The following CTNNA2 variants were observed in gnomAD, a reference collection of about 807,000 sequenced individuals.
The protein encoded by CTNNA2 is catenin alpha 2.
CTNNA2 carries 42 observed loss-of-function variants against 101.0 expected under a neutral mutation model. The ratio of observed to expected loss-of-function variants is 0.42; its 90% CI spans 0.32 to 0.54. The LOEUF (loss-of-function observed/expected upper bound fraction) is 0.54. CTNNA2 is among the 20% of genes least tolerant of loss of function. The pLI is 0.14. For synonymous variants in CTNNA2, 450 were observed against 456.4 expected, an observed-to-expected ratio of 0.99 and a Z score of 0.18; for missense variants, 871 against 1,223.1, an observed-to-expected ratio of 0.71 and a Z score of 4.29.
chr2:80,113,413 T>G (rs1415023971), intron 7 of CTNNA2, among the ~76,000 whole-genome samples: 1 of 152,232 alleles, frequency 6.6e-6, no homozygotes, highest in Admixed American at 6.5e-5. Flanking sequence ...GGTGTGCATA[T>G]GGATTTGAAT....
chr2:79,676,026 G>T (rs543210708), intron 2 of CTNNA2, among the ~76,000 whole-genome samples: 1 of 152,192 alleles, frequency 6.6e-6, no homozygotes, highest in South Asian at 2.1e-4. Flanking sequence ...CGTAGGTGAG[G>T]GCATCCTGAG....
chr2:79,301,193 C>G (rs1676099530), intron 2 of CTNNA2, among the ~76,000 whole-genome samples: 1 of 152,200 alleles, frequency 6.6e-6, no homozygotes, highest in African/African-American at 2.4e-5. Flanking sequence ...CCATATCTCT[C>G]CTTTTGAACC....
chr2:80,219,921 TTATGA>T (rs1708481260), intron 7 of CTNNA2, among the ~76,000 whole-genome samples: 1 of 152,210 alleles, frequency 6.6e-6, no homozygotes, highest in African/African-American at 2.4e-5. Flanking sequence ...GTTTACATTT[TTATGA>T]TATAACAGAT....
At chr2:79,852,432 T>G (rs1384178970) in intron 3 of CTNNA2, among the ~76,000 whole-genome samples, 1 of 152,286 alleles carries the variant, frequency 6.6e-6, no homozygotes, top group Admixed American at 6.5e-5. Flanking sequence ...TCTGCTCTTA[T>G]TCTGGCTGTT....
At chr2:79,306,355 T>TG (rs755845654) in intron 2 of CTNNA2, among the ~76,000 whole-genome samples, 31 of 152,304 alleles carry the variant, frequency 2.0e-4, no homozygotes, top group Non-Finnish European at 4.3e-4. Flanking sequence ...AAATAGATGT[T>TG]GTGTTGTCAC....
At chr2:79,328,112 T>C (rs1676788332) in intron 3 of CTNNA2, among the ~76,000 whole-genome samples, 1 of 152,208 alleles carries the variant, frequency 6.6e-6, no homozygotes, top group Admixed American at 6.5e-5. Flanking sequence ...GCCCACTATG[T>C]ATCTCCTTAA....
intron 15 of CTNNA2, among the ~76,000 whole-genome samples, chr2:80,593,898 G>T (rs1696724419): frequency 6.6e-6 from 1 of 152,126 alleles, no homozygotes; most frequent in African/African-American, 2.4e-5. Flanking sequence ...CACTTGGGTT[G>T]CTTCCACCTT....
At chr2:79,287,777 C>G (rs999155846) in intron 2 of CTNNA2, among the ~76,000 whole-genome samples, 2 of 152,224 alleles carry the variant, frequency 1.3e-5, no homozygotes, top group African/African-American at 4.8e-5. Flanking sequence ...GGGCTCCACC[C>G]AGTTCCAGCT....
chr2:80,301,916 CAA>C (rs528489978), intron 7 of CTNNA2: 190 of 140,972 alleles, frequency 1.3e-3, no homozygotes, highest in Non-Finnish European at 1.6e-3. Flanking sequence ...TTTTAGTTTA[CAA>C]AAAAAAAAAA....
At chr2:80,640,348 C>T (rs1239557762) in intron 18 of CTNNA2, among the ~76,000 whole-genome samples, 1 of 152,114 alleles carries the variant, frequency 6.6e-6, no homozygotes. Context: ...ATAATGCCTG[C>T]CATGGACACT....
intron 4 of CTNNA2, among the ~76,000 whole-genome samples, chr2:79,385,532 T>G (rs1573140431): frequency 6.6e-6 from 1 of 152,096 alleles, no homozygotes. Flanking sequence ...TTATTTTGTT[T>G]TACTTTTAGT....
At chr2:79,334,383 G>A (rs769490358) in intron 3 of CTNNA2, among the ~76,000 whole-genome samples, 2 of 151,976 alleles carry the variant, frequency 1.3e-5, no homozygotes, top group Non-Finnish European at 2.9e-5. Flanking sequence ...AAAAAAAGCT[G>A]CCTGTTTATT....
At chr2:80,331,226 T>C (rs1259324764) in intron 7 of CTNNA2, among the ~76,000 whole-genome samples, 1 of 152,166 alleles carries the variant, frequency 6.6e-6, no homozygotes, top group Non-Finnish European at 1.5e-5. Context: ...TAGGTATTCG[T>C]TATCACATCG....
intron 7 of CTNNA2, among the ~76,000 whole-genome samples, chr2:80,217,763 C>T (rs1708353290): frequency 1.3e-5 from 2 of 152,178 alleles, no homozygotes; most frequent in Non-Finnish European, 2.9e-5. Context: ...AGGCTAGTAG[C>T]AGATAATAGC....
chr2:79,874,055 T>C (rs1201082726), intron 5 of CTNNA2, 21 bp from the exon 6 acceptor site: 4 of 1,611,938 alleles, frequency 2.5e-6, no homozygotes, highest in Non-Finnish European at 3.4e-6. Context: ...GTGTGACAGC[T>C]TTCATGTGTT....
chr2:80,304,527 T>C (rs1210937858), intron 7 of CTNNA2: 3 of 153,420 alleles, frequency 2.0e-5, no homozygotes, highest in African/African-American at 7.2e-5. Context: ...AAACGACCAC[T>C]GACCGGCGCC....
At chr2:80,137,650 G>T (rs191145166) in intron 7 of CTNNA2, among the ~76,000 whole-genome samples, 96 of 152,198 alleles carry the variant, frequency 6.3e-4, no homozygotes, top group Non-Finnish European at 1.2e-4. Flanking sequence ...TAAGTTAGGA[G>T]CTTGGACATT....
At chr2:80,232,237 A>G (rs2149075965) in intron 7 of CTNNA2, among the ~76,000 whole-genome samples, 2 of 152,028 alleles carry the variant, frequency 1.3e-5, no homozygotes, top group South Asian at 4.2e-4. Context: ...ACATGTTCCC[A>G]GGACCTCCTG....
intron 7 of CTNNA2, among the ~76,000 whole-genome samples, chr2:80,295,431 C>T (rs1009319993): frequency 1.3e-5 from 2 of 152,296 alleles, no homozygotes; most frequent in Admixed American, 6.5e-5. Context: ...CTCTCTGAAG[C>T]CCCTGACTCT....
Sources: gnomAD v4.1 joint callset for allele counts (sites outside exome capture counted in the v4.1 genomes callset) on GRCh38, gnomAD v4.1.1 for gene constraint, MANE v1.5 for transcripts, NCBI Gene and HGNC (gene_info 2026-07-23, HGNC 2026-07-21) for gene names.